FECH: variants seen among roughly 807,000 people sequenced by gnomAD.
FECH encodes ferrochelatase, mitochondrial.
In FECH, 40 loss-of-function variants were observed where a neutral mutation model predicts 56.9. That is an observed-to-expected ratio of 0.70 (90% CI 0.55 to 0.92). The LOEUF is 0.92. FECH is among the 40% of genes least tolerant of loss of function. The pLI, the probability that FECH is intolerant of heterozygous loss-of-function variation, is 0.00. For missense variants in FECH, 431 were observed against 529.1 expected (o/e 0.81, Z 1.82); for synonymous variants, 175 against 198.6 (o/e 0.88, Z 1.00).
At chr18:57,567,452 T>A (rs2122303246) in intron 4 of FECH, among the ~76,000 whole-genome samples, 2 of 152,344 alleles carry the variant, frequency 1.3e-5, no homozygotes, top group Admixed American at 1.3e-4. Flanking sequence ...ACCACATAAT[T>A]GTTTAAGCAT....
chr18:57,555,804 A>G (rs1369765952), intron 7 of FECH, among the ~76,000 whole-genome samples: 1 of 152,194 alleles, frequency 6.6e-6, no homozygotes, highest in African/African-American at 2.4e-5. Flanking sequence ...CCTGGAATAT[A>G]GCAGGTGCTC....
chr18:57,560,124 A>G (rs1220184979), intron 6 of FECH, among the ~76,000 whole-genome samples: 1 of 152,218 alleles, frequency 6.6e-6, no homozygotes, highest in African/African-American at 2.4e-5. Context: ...AAGTTTAAAT[A>G]TTGACGTTAA....
chr18:57,556,910 CAAAAAAAAAAAA>C (rs57650194), intron 7 of FECH, among the ~76,000 whole-genome samples: 2 of 44,370 alleles, frequency 4.5e-5, no homozygotes, highest in Non-Finnish European at 8.1e-5. Flanking sequence ...GACCCTGTCT[CAAAAAAAAAAAA>C]AAAAAAAAAA....
chr18:57,573,218 A>G (rs755764948), intron 3 of FECH, 28 bp downstream of exon 3: 2 of 1,607,870 alleles, frequency 1.2e-6, no homozygotes, highest in Non-Finnish European at 1.7e-6. Flanking sequence ...TGCCAAGGTT[A>G]TAATTGAGGT....
chr18:57,574,121 C>T lies in FECH; in HGVS notation c.195-756G>A, dbSNP rs908722614. Among the ~76,000 whole-genome samples the T allele has an allele frequency of 9.9e-5, 15 of 152,206 alleles. No homozygotes were observed. In the South Asian group the frequency reaches 1.2e-3, roughly 13 times the overall value. ...CCAGGTTTAAGCAATTCTCCTGCCTCGGCCTCCCAAGTAGCTGGGATTACA... is the reference window on the plus strand; with the variant it reads ...CCAGGTTTAAGCAATTCTCCTGCCTTGGCCTCCCAAGTAGCTGGGATTACA... On this transcript the variant is annotated intron_variant, in intron 2 of 10. Coordinates refer to ENST00000262093, the MANE Select transcript of FECH (RefSeq NM_000140.5).
chr18:57,570,025 TTGTTGTCG>T (rs761321950), intron 4 of FECH, among the ~76,000 whole-genome samples: 2,064 of 113,416 alleles, frequency 0.018, 28 homozygotes, highest in Non-Finnish European at 0.025. Flanking sequence ...GTTGTTGTTG[TTGTTGTCG>T]TGTGTGTGTG....
intron 6 of FECH, among the ~76,000 whole-genome samples, chr18:57,559,793 A>T (rs1460676354): frequency 6.6e-6 from 1 of 152,224 alleles, no homozygotes; most frequent in Non-Finnish European, 1.5e-5. Flanking sequence ...ACAACAGATG[A>T]CAGGTGATAC....
In FECH at chr18:57,550,582, G is replaced by T; in HGVS notation, c.*130C>A. On this transcript the variant is annotated 3_prime_UTR_variant, in exon 11 of 11. Coordinates refer to ENST00000262093, the MANE Select transcript of FECH (RefSeq NM_000140.5). ...CAATCCTCAAGAAACCACACAATTT[G>T]TACCCAAAGGCTGTATATATATCAA... The T allele has an allele frequency of 8.7e-7, 1 of 1,144,944 alleles. No individual in the cohort carries two copies. 70.9% of individuals were successfully genotyped at this position (1,144,944 alleles called of 1,614,324 possible).
chr18:57,551,839 C>T (rs368330500), intron 9 of FECH, among the ~76,000 whole-genome samples: 1 of 151,912 alleles, frequency 6.6e-6, no homozygotes, highest in African/African-American at 2.4e-5. Flanking sequence ...TGTATTGGAC[C>T]TACACTGGAA....
intron 3 of FECH, 198 bp downstream of exon 3, chr18:57,573,048 T>C: frequency 3.2e-6 from 2 of 617,834 alleles, no homozygotes; most frequent in Non-Finnish European, 5.7e-6. Flanking sequence ...TCAAGGAGAA[T>C]CCCCACTAAC....
At chr18:57,578,481 C>T (rs576516297) in intron 2 of FECH, among the ~76,000 whole-genome samples, 4 of 152,234 alleles carry the variant, frequency 2.6e-5, no homozygotes, top group South Asian at 2.1e-4. Context: ...AAACCAGCCT[C>T]GGCAGCAAAA....
intron 6 of FECH, among the ~76,000 whole-genome samples, chr18:57,561,839 T>A (rs1264359951): frequency 6.6e-6 from 1 of 152,216 alleles, no homozygotes; most frequent in Admixed American, 6.5e-5. Flanking sequence ...CAGGCAGTAC[T>A]GGCTGGACCC....
intron 3 of FECH, 36 bp downstream of exon 3, chr18:57,573,210 C>T (rs971909523): frequency 3.1e-6 from 5 of 1,603,058 alleles, no homozygotes; most frequent in Admixed American, 1.7e-5. Flanking sequence ...CAATGTAGTG[C>T]CAAGGTTATA....
chr18:57,546,804 C>CA lies in FECH; in HGVS notation c.*3907dup, dbSNP rs1260377649. On this transcript the variant is annotated 3_prime_UTR_variant, in exon 11 of 11. Coordinates refer to ENST00000262093, the MANE Select transcript of FECH (RefSeq NM_000140.5). ...TCAGGCCCCATCTCTACTAAAAATACAAAAATTAGCCGGGCATGGTGGCAC... is the reference window on the plus strand; with the variant it reads ...TCAGGCCCCATCTCTACTAAAAATACAAAAAATTAGCCGGGCATGGTGGCAC... 1.3e-5 allele frequency among the ~76,000 whole-genome samples: 2 copies of CA among 151,458 alleles called. No individual in the cohort carries two copies. The highest frequency in any genetic ancestry group is 2.9e-5 in the Non-Finnish European group (2 of 67,844).
At chr18:57,571,679 G>A in intron 3 of FECH, 139 bp from the exon 4 acceptor site, 2 of 1,221,092 alleles carry the variant, frequency 1.6e-6, no homozygotes, top group Non-Finnish European at 2.3e-6. Flanking sequence ...GAAGCTTGAG[G>A]TCATTGACAA....
At chr18:57,563,580 C>CAAAAAA (rs747565830) in intron 5 of FECH, among the ~76,000 whole-genome samples, 4,492 of 33,528 alleles carry the variant, frequency 0.13, 1,084 homozygotes, top group South Asian at 0.27. Flanking sequence ...AACTCCGTCC[C>CAAAAAA]AAAAAAAAAA....
chr18:57,558,375 C>T (rs2050895033), intron 7 of FECH, among the ~76,000 whole-genome samples: 1 of 152,172 alleles, frequency 6.6e-6, no homozygotes, highest in African/African-American at 2.4e-5. Flanking sequence ...TAAGGAACAG[C>T]CAGATCCCAA....
At chr18:57,567,371 T>C (rs2051032702) in intron 4 of FECH, among the ~76,000 whole-genome samples, 1 of 152,226 alleles carries the variant, frequency 6.6e-6, no homozygotes, top group Non-Finnish European at 1.5e-5. Flanking sequence ...TTCCCTGTCC[T>C]TTCACGAATA....
chr18:57,566,656 C>G, intron 4 of FECH, 75 bp from the exon 5 acceptor site: 1 of 1,552,778 alleles, frequency 6.4e-7, no homozygotes, highest in Non-Finnish European at 8.9e-7. Flanking sequence ...AAACATAATG[C>G]AATGCCCAGA....
Sources: gnomAD v4.1 joint callset for allele counts (sites outside exome capture counted in the v4.1 genomes callset) on GRCh38, gnomAD v4.1.1 for gene constraint, MANE v1.5 for transcripts, NCBI Gene and HGNC (gene_info 2026-07-23, HGNC 2026-07-21) for gene names.